Variants in EPB41L4B observed in about 807,000 individuals in gnomAD.
The protein encoded by EPB41L4B is band 4.1-like protein 4B.
A neutral mutation model predicts 112.5 loss-of-function variants in EPB41L4B; 30 were observed. The ratio of observed to expected loss-of-function variants is 0.27; its 90% CI spans 0.20 to 0.36. The LOEUF (loss-of-function observed/expected upper bound fraction) is 0.36, where lower values mean the gene tolerates loss of function less well. EPB41L4B is among the 10% of genes least tolerant of loss of function. The pLI is 1.00. For synonymous variants in EPB41L4B, 408 were observed against 439.7 expected, an observed-to-expected ratio of 0.93 and a Z score of 0.90; for missense variants, 1,024 against 1,133.3, an observed-to-expected ratio of 0.90 and a Z score of 1.38.
chr9:109,225,562 A>G (rs1033143225), intron 15 of EPB41L4B, among the ~76,000 whole-genome samples: 1 of 152,176 alleles, frequency 6.6e-6, no homozygotes, highest in African/African-American at 2.4e-5. Flanking sequence ...TAGGGGGGAA[A>G]CTTCCCCGAT....
chr9:109,237,246 T>C (rs1564285580), intron 15 of EPB41L4B, among the ~76,000 whole-genome samples: 5 of 152,182 alleles, frequency 3.3e-5, no homozygotes, highest in Non-Finnish European at 7.4e-5. Context: ...GGTAGACCAA[T>C]AAACGAAATA....
At chr9:109,228,307 A>G (rs1833850374) in intron 15 of EPB41L4B, among the ~76,000 whole-genome samples, 1 of 152,202 alleles carries the variant, frequency 6.6e-6, no homozygotes, top group Non-Finnish European at 1.5e-5. Flanking sequence ...AGTGCTTACA[A>G]AAGACTCTGT....
intron 1 of EPB41L4B, among the ~76,000 whole-genome samples, chr9:109,311,150 T>C (rs7357791): frequency 0.018 from 2,699 of 152,248 alleles, 93 homozygotes; most frequent in East Asian, 0.078. Context: ...ATGTACATCA[T>C]GCCACTTAAC....
rs536406028 is a variant in EPB41L4B, at chr9:109,301,363, T to G, written c.306+18778A>C. Among the ~76,000 whole-genome samples, 6 of 152,338 alleles carry G rather than the reference T, an allele frequency of 3.9e-5. No homozygotes were observed. In the South Asian group the frequency reaches 1.2e-3, roughly 32 times the overall value. Reference sequence around the variant, plus strand: ...CACCATTAATTTTTTTATACTTTTTTGGGGATGGTAGTAAATTGCATTTGC... The same window carrying G: ...CACCATTAATTTTTTTATACTTTTTGGGGGATGGTAGTAAATTGCATTTGC... On this transcript the variant is annotated intron_variant, in intron 1 of 25. Transcript: ENST00000374566.
At chr9:109,258,405 C>G (rs907001934) in intron 6 of EPB41L4B, 108 bp from the exon 7 acceptor site, 10 of 1,179,340 alleles carry the variant, frequency 8.5e-6, no homozygotes, top group East Asian at 2.4e-5. Context: ...CAGCCCCCCG[C>G]CCCAATGTAT....
At chr9:109,243,490 G>T (rs1834427629) in intron 15 of EPB41L4B, 128 bp downstream of exon 15, 2 of 766,854 alleles carry the variant, frequency 2.6e-6, no homozygotes, top group African/African-American at 1.7e-5. Context: ...ATTCATCTCG[G>T]CCATGACAAT....
At chr9:109,309,341 C>G (rs1837330729) in intron 1 of EPB41L4B, among the ~76,000 whole-genome samples, 1 of 152,196 alleles carries the variant, frequency 6.6e-6, no homozygotes. Context: ...CCAACTTCAG[C>G]TCATTCACAG....
intron 14 of EPB41L4B, among the ~76,000 whole-genome samples, chr9:109,247,144 A>G (rs1834587055): frequency 6.7e-6 from 1 of 148,904 alleles, no homozygotes; most frequent in Admixed American, 6.7e-5. Flanking sequence ...GGCACTACAG[A>G]TGTACACCAC....
intron 5 of EPB41L4B, 69 bp downstream of exon 5, chr9:109,264,911 A>C: frequency 2.1e-6 from 3 of 1,407,674 alleles, no homozygotes; most frequent in Non-Finnish European, 2.9e-6. Context: ...AAAGAGTTAA[A>C]ACAGTGAATT....
At chr9:109,220,586 C>T (rs1833539338) in intron 15 of EPB41L4B, among the ~76,000 whole-genome samples, 1 of 152,074 alleles carries the variant, frequency 6.6e-6, no homozygotes, top group Non-Finnish European at 1.5e-5. Flanking sequence ...CACTTGGGGA[C>T]ATTGGGAGGA....
intron 2 of EPB41L4B, among the ~76,000 whole-genome samples, chr9:109,271,637 G>C (rs953578835): frequency 6.6e-6 from 1 of 152,202 alleles, no homozygotes; most frequent in Admixed American, 6.5e-5. Context: ...TTTGAGGACT[G>C]TATTCAGCAG....
intron 14 of EPB41L4B, among the ~76,000 whole-genome samples, chr9:109,246,632 T>C (rs192464202): frequency 1.5e-3 from 225 of 152,232 alleles, no homozygotes; most frequent in Non-Finnish European, 2.4e-3. Flanking sequence ...AATAGAGAAG[T>C]TGGAACCAGG....
chr9:109,286,474 T>C (rs1294301418), intron 1 of EPB41L4B, among the ~76,000 whole-genome samples: 1 of 152,164 alleles, frequency 6.6e-6, no homozygotes, highest in African/African-American at 2.4e-5. Flanking sequence ...AAGCATAATT[T>C]TGTTGCCATT....
At chr9:109,202,488 G>A (rs1832868096) in intron 19 of EPB41L4B, among the ~76,000 whole-genome samples, 1 of 152,156 alleles carries the variant, frequency 6.6e-6, no homozygotes, top group Non-Finnish European at 1.5e-5. Flanking sequence ...GTAGGACCCA[G>A]GAGTTTGTGT....
At chr9:109,176,493 G>T in intron 25 of EPB41L4B, 58 bp downstream of exon 25, 2 of 1,536,926 alleles carry the variant, frequency 1.3e-6, no homozygotes, top group Admixed American at 2.1e-5. Flanking sequence ...TGAACCTAGA[G>T]TCTCCCTGGT....
Position 109,208,018 on chromosome 9 carries a change from A to T in EPB41L4B, c.1784T>A (p.Leu595His). The T allele has an allele frequency of 6.2e-7, 1 of 1,614,180 alleles. No individual in the cohort carries two copies. Among genetic ancestry groups the T allele is most frequent in the Non-Finnish European group, 8.5e-7 (1 of 1,180,024 alleles). ...AGGGGAAGGCAAAAGTGGAGTCTGAAGAGTTTTCTCCGAGACTTTCTTTTC... is the reference window on the plus strand; with the variant it reads ...AGGGGAAGGCAAAAGTGGAGTCTGATGAGTTTTCTCCGAGACTTTCTTTTC... ...AEEKKVSEKT[L>H]QTPLLPSPVA... The change falls in exon 18 of 26, where the codon CTT (leucine) becomes CAT (histidine). Residue 595 changes from leucine (L) to histidine (H), a missense_variant. Leu to His is a moderately conservative substitution (Grantham distance 99, BLOSUM62 -3). Transcript: ENST00000374566.
At chr9:109,262,636 T>TA (rs1173547889) in intron 6 of EPB41L4B, among the ~76,000 whole-genome samples, 4 of 152,202 alleles carry the variant, frequency 2.6e-5, no homozygotes, top group African/African-American at 9.6e-5. Flanking sequence ...TGCTCCCTCT[T>TA]AAGAGCTTTC....
chr9:109,200,218 T>C lies in EPB41L4B; in HGVS notation c.2045+18A>G. On this transcript the variant is annotated intron_variant, in intron 20 of 25. Transcript: ENST00000374566. ...ATCATAGTTGTTTTAATTGAAAAAG[T>C]TGCAGTACAGAACTCACAAACTATA... 4 of 1,594,060 alleles carry C rather than the reference T, an allele frequency of 2.5e-6. No homozygotes were observed. The highest frequency in any genetic ancestry group is 3.4e-6 in the Non-Finnish European group (4 of 1,162,152).
At chr9:109,187,987 A>T (rs1832330757) in intron 22 of EPB41L4B, among the ~76,000 whole-genome samples, 1 of 152,208 alleles carries the variant, frequency 6.6e-6, no homozygotes, top group Non-Finnish European at 1.5e-5. Flanking sequence ...ATGGAATCAA[A>T]GGCTATTTTG....
Sources: allele counts gnomAD v4.1 joint callset (sites outside exome capture counted in the v4.1 genomes callset), GRCh38; gene constraint gnomAD v4.1.1; transcripts MANE v1.5; gene names NCBI Gene and HGNC (gene_info 2026-07-23, HGNC 2026-07-21).